Variants in TTC14 observed in about 807,000 individuals in gnomAD.
TTC14 encodes tetratricopeptide repeat domain 14.
A neutral mutation model predicts 79.9 loss-of-function variants in TTC14; 63 were observed. The ratio of observed to expected loss-of-function variants is 0.79; its 90% confidence interval spans 0.64 to 0.97. TTC14 has a LOEUF of 0.97. TTC14 is among the 50% of genes least tolerant of loss of function. The pLI is 0.00. For synonymous variants in TTC14, 335 were observed against 309.6 expected (o/e 1.08, Z -0.86); for missense variants, 895 against 894.0 (o/e 1.00, Z -0.01).
chr3:180,603,104 T>A lies in TTC14; in HGVS notation c.287-20T>A. 6.2e-7 allele frequency: 1 copy of A among 1,610,782 alleles called. No individual in the cohort carries two copies. Among genetic ancestry groups the A allele is most frequent in the Non-Finnish European group, 8.5e-7 (1 of 1,179,072 alleles). The stretch of plus-strand genomic sequence containing the variant: ...AACTCAAAACTATCGTTAGTGATTT[T>A]GTTAATTTTTTTTTTTTAGATCATT... On this transcript the variant is annotated intron_variant, in intron 2 of 11. Transcript: ENST00000296015.
chr3:180,602,735 A>T, intron 1 of TTC14, 156 bp from the exon 2 acceptor site: 1 of 882,594 alleles, frequency 1.1e-6, no homozygotes, highest in Non-Finnish European at 1.7e-6. Flanking sequence ...CAGGTTGGTT[A>T]ATGAGGGAAT....
chr3:180,613,924 AG>A (rs1246324067), downstream of TTC14: 2 of 439,318 alleles, frequency 4.6e-6, no homozygotes, highest in Non-Finnish European at 9.0e-6. Flanking sequence ...CTTTTCAGAA[AG>A]AAGTACAAAC....
intron 6 of TTC14, 131 bp downstream of exon 6, chr3:180,605,138 A>T: frequency 2.5e-6 from 2 of 794,066 alleles, no homozygotes; most frequent in Non-Finnish European, 3.8e-6. Flanking sequence ...GGTTGAATGA[A>T]CCAGGTGATC....
intron 6 of TTC14, chr3:180,605,391 T>G: frequency 5.0e-6 from 1 of 199,592 alleles, no homozygotes; most frequent in Non-Finnish European, 1.0e-5. Context: ...TTCTCCTGCC[T>G]CAGCCTCCCA....
At chr3:180,609,492 A>G in intron 11 of TTC14, 138 bp from the exon 12 acceptor site, 1 of 1,334,204 alleles carries the variant, frequency 7.5e-7, no homozygotes, top group East Asian at 2.8e-5. Flanking sequence ...TAGATCTTGT[A>G]GTAGCCGAGA....
Position 180,610,439 on chromosome 3 carries a change from A to G in TTC14, c.2210A>G (p.His737Arg). 1 of 1,613,654 alleles carries G rather than the reference A, an allele frequency of 6.2e-7. No homozygotes were observed. Among genetic ancestry groups the G allele is most frequent in the Non-Finnish European group, 8.5e-7 (1 of 1,179,846 alleles). Residue 737 changes from histidine to arginine, a missense_variant, in exon 12 of 12, where the codon CAC (histidine) becomes CGC (arginine). Coordinates refer to ENST00000296015, the MANE Select transcript of TTC14 (RefSeq NM_133462.4). ...PEEDALSSKE[H>R]SESSVKKNLP... Reference sequence around the variant, plus strand: ...GAAGATGCACTAAGTAGCAAAGAACACTCAGAAAGCAGTGTTAAGAAAAAT... The same window carrying G: ...GAAGATGCACTAAGTAGCAAAGAACGCTCAGAAAGCAGTGTTAAGAAAAAT...
Position 180,606,275 on chromosome 3 carries a change from T to A in TTC14, c.952T>A (p.Phe318Ile), listed in dbSNP as rs1393100168. Residue 318 changes from phenylalanine (F) to isoleucine (I), a missense_variant, in exon 8 of 12, where the codon TTT becomes ATT. Coordinates refer to ENST00000296015, the MANE Select transcript of TTC14 (RefSeq NM_133462.4). ...LKCVKIGVDY[F>I]KVGRHVDAMN... ...TAGTGTGAAGATCGGAGTTGACTAT[T>A]TTAAAGTTGGACGCCATGTGGATGC... 6.2e-7 allele frequency: 1 copy of A among 1,614,004 alleles called. No homozygotes were observed. Among genetic ancestry groups the A allele is most frequent in the Non-Finnish European group, 8.5e-7 (1 of 1,179,994 alleles).
At chr3:180,612,857 A>T (rs1350851979), downstream of TTC14, among the ~76,000 whole-genome samples, 1 of 152,246 alleles carries the variant, frequency 6.6e-6, no homozygotes, top group Non-Finnish European at 1.5e-5. Context: ...TGCATCAGGC[A>T]GGGGACTCAT....
At position 180,605,851 on chromosome 3, in the gene TTC14, C is replaced by T; in HGVS notation, c.929+14C>T. On this transcript the variant is annotated intron_variant, in intron 7 of 11. Coordinates refer to ENST00000296015, the MANE Select transcript of TTC14 (RefSeq NM_133462.4). Reference sequence around the variant, plus strand: ...GGCTTTAAAATGGTATGAAGACTGTCTTTCAACAATTGCATTATATCTAGT... The same window carrying T: ...GGCTTTAAAATGGTATGAAGACTGTTTTTCAACAATTGCATTATATCTAGT... 1 of 1,573,314 alleles carries T rather than the reference C, an allele frequency of 6.4e-7. No individual in the cohort carries two copies. Among genetic ancestry groups the T allele is most frequent in the Non-Finnish European group, 8.6e-7 (1 of 1,168,908 alleles).
chr3:180,615,489 A>C (rs931436747), downstream of TTC14, among the ~76,000 whole-genome samples: 19 of 152,174 alleles, frequency 1.2e-4, no homozygotes, highest in African/African-American at 4.1e-4. Flanking sequence ...ATTGATGGAT[A>C]AAGTGGTGGG....
At position 180,610,514 on chromosome 3, in the gene TTC14, AAG is replaced by A. The variant is rs777073423; in HGVS notation, c.2287_2288del (p.Glu763LysfsTer4). ...TTTAATCAGATAGCTGAATTTGAAA[AAG>A]AAAAAGGAAATAAGTCAAAAAATTA... On this transcript the variant is annotated frameshift_variant, in exon 12 of 12. Transcript: ENST00000296015. LOFTEE classifies it high-confidence loss of function. 76 of 1,577,142 alleles carry A rather than the reference AAG, an allele frequency of 4.8e-5. No individual in the cohort carries two copies. The highest frequency in any genetic ancestry group is 6.4e-5 in the Non-Finnish European group (75 of 1,168,416).
chr3:180,616,523 A>C (rs746843239), intron 12 of TTC14: 3 of 1,548,888 alleles, frequency 1.9e-6, no homozygotes, highest in African/African-American at 2.8e-5. Flanking sequence ...TACCTGTTGA[A>C]AGTATGTTTG....
chr3:180,616,525 G>A (rs1717249178), intron 12 of TTC14: 2 of 1,549,580 alleles, frequency 1.3e-6, no homozygotes, highest in Admixed American at 4.1e-5. Flanking sequence ...CCTGTTGAAA[G>A]TATGTTTGAA....
In TTC14 at chr3:180,610,776, T is replaced by A. The variant is rs878923874; in HGVS notation, c.*234T>A. On this transcript the variant is annotated 3_prime_UTR_variant, in exon 12 of 12. Coordinates refer to ENST00000296015, the MANE Select transcript of TTC14 (RefSeq NM_133462.4). ...ATGTTTATGTACAGTATATTACTCT[T>A]GACAGTTTGAATTTCTTCACCTAAA... is the stretch of plus-strand genomic sequence containing the variant. 2.8e-6 allele frequency: 3 copies of A among 1,085,716 alleles called. No individual in the cohort carries two copies. The highest frequency in any genetic ancestry group is 3.4e-6 in the Non-Finnish European group (3 of 893,882). 67.3% of individuals were successfully genotyped at this position (1,085,716 alleles called of 1,614,324 possible). A position where few individuals can be genotyped will look rare whatever the true frequency, so the allele number is the denominator to read the frequency against.
chr3:180,610,571 A>C lies in TTC14; in HGVS notation c.*29A>C. Reference sequence around the variant, plus strand: ...ACCAAGGATATCGGCACCATTACACAAAATGCCATTAAGTGAAGTTTTTGG... The same window carrying C: ...ACCAAGGATATCGGCACCATTACACCAAATGCCATTAAGTGAAGTTTTTGG... On this transcript the variant is annotated 3_prime_UTR_variant, in exon 12 of 12. Coordinates refer to ENST00000296015, the MANE Select transcript of TTC14 (RefSeq NM_133462.4). 6.5e-7 allele frequency: 1 copy of C among 1,527,336 alleles called. No individual in the cohort carries two copies. Among genetic ancestry groups the C allele is most frequent in the Non-Finnish European group, 8.7e-7 (1 of 1,145,554 alleles). 94.6% of individuals were successfully genotyped at this position (1,527,336 alleles called of 1,614,324 possible). A position where few individuals can be genotyped will look rare whatever the true frequency, so the allele number is the denominator to read the frequency against.
At chr3:180,602,630 C>T (rs1196974424) in intron 1 of TTC14, 3 of 736,952 alleles carry the variant, frequency 4.1e-6, no homozygotes, top group Middle Eastern at 3.9e-4. Context: ...TCTGGCACTG[C>T]TTGGTAGAGG....
rs781526810 is a variant in TTC14, at chr3:180,616,593, CTT to C, written c.1775-785_1775-784del. ...ATATCAACTAACATTTCATCAATAA[CTT>C]TGTGAAACTGTTTCATTTCACGAAG... is the stretch of plus-strand genomic sequence containing the variant. On this transcript the variant is annotated intron_variant, in intron 12 of 12. Transcript: ENST00000382584. 6.2e-6 allele frequency: 10 copies of C among 1,600,042 alleles called. No individual in the cohort carries two copies. Among genetic ancestry groups the C allele is most frequent in the South Asian group, 4.5e-5 (4 of 88,360 alleles).
rs1716889615 is a variant in TTC14 at position 180,609,772 on chromosome 3, A to G, written c.1543A>G (p.Ser515Gly). The G allele has an allele frequency of 6.2e-7, 1 of 1,614,034 alleles. No homozygotes were observed. Among genetic ancestry groups the G allele is most frequent in the East Asian group, 2.2e-5 (1 of 44,862 alleles). Reference sequence around the variant, plus strand: ...GAGGAACCGTTCAGAGTCTTCTCGCAGTTCCAGAAGGCATTCATCTAGGGC... The same window carrying G: ...GAGGAACCGTTCAGAGTCTTCTCGCGGTTCCAGAAGGCATTCATCTAGGGC... ...HKRNRSESSR[S>G]SRRHSSRASS... Residue 515 changes from serine to glycine, a missense_variant, in exon 12 of 12, where the codon AGT becomes GGT. Physicochemically the swap from Ser to Gly is moderately conservative, Grantham distance 56. Transcript: ENST00000296015.
chr3:180,610,046 C>G lies in TTC14; in HGVS notation c.1817C>G (p.Thr606Ser), dbSNP rs757866514. ...DPRDFYNSYK[T>S]QAGSSKTEKP... ...AGAGATTTTTATAACAGCTATAAAA[C>G]CCAAGCAGGTAGTAGCAAAACAGAA... The change falls in exon 12 of 12, where the codon ACC (threonine) becomes AGC (serine). Residue 606 changes from threonine to serine, a missense_variant. Coordinates refer to ENST00000296015, the MANE Select transcript of TTC14 (RefSeq NM_133462.4). 1.2e-6 allele frequency: 2 copies of G among 1,613,964 alleles called. No homozygotes were observed. Among genetic ancestry groups the G allele is most frequent in the East Asian group, 4.5e-5 (2 of 44,866 alleles).
Sources: gnomAD v4.1 joint callset for allele counts (sites outside exome capture counted in the v4.1 genomes callset) on GRCh38, gnomAD v4.1.1 for gene constraint, MANE v1.5 for transcripts, NCBI Gene and HGNC (gene_info 2026-07-23, HGNC 2026-07-21) for gene names.